Variants in NEB observed in about 807,000 individuals in gnomAD.
NEB encodes the protein nemaline myopathy type 2.
Under a neutral mutation model 952.2 loss-of-function variants are expected in NEB, and 512 were observed. That is an observed-to-expected ratio of 0.54 (90% confidence interval 0.50 to 0.58). NEB has a LOEUF of 0.58. Among genes scored for constraint, NEB ranks in the 20% least tolerant of loss-of-function variants. The probability of loss-of-function intolerance (pLI) is 0.00; values close to 1 mark genes in which losing one functional copy is unlikely to be tolerated. For missense variants in NEB, 8,428 were observed against 9,231.1 expected, an observed-to-expected ratio of 0.91 and a Z score of 3.56; for synonymous variants, 2,900 against 3,149.8, an observed-to-expected ratio of 0.92 and a Z score of 2.66.
chr2:151,515,743 T>A (rs1421302438), intron 157 of NEB, among the ~76,000 whole-genome samples: 1 of 152,236 alleles, frequency 6.6e-6, no homozygotes, highest in Non-Finnish European at 1.5e-5. Context: ...AAGAAACTCC[T>A]ATAGATCCTT....
chr2:151,697,965 C>T (rs921846998), intron 13 of NEB, among the ~76,000 whole-genome samples: 1 of 152,186 alleles, frequency 6.6e-6, no homozygotes, highest in Non-Finnish European at 1.5e-5. Flanking sequence ...ACTTGGGAGG[C>T]TGAGGCAGGA....
At chr2:151,677,482 GA>G (rs1392716581) in intron 34 of NEB, 82 bp downstream of exon 34, 34 of 1,064,298 alleles carry the variant, frequency 3.2e-5, no homozygotes, top group Middle Eastern at 2.5e-4. Context: ...TATTGGCCCA[GA>G]AAAAAAATAT....
chr2:151,522,806 C>T (rs1426530322), intron 153 of NEB, among the ~76,000 whole-genome samples: 2 of 152,154 alleles, frequency 1.3e-5, no homozygotes, highest in African/African-American at 4.8e-5. Context: ...CAGCGCCGTG[C>T]CCTCTCCTTT....
intron 160 of NEB, among the ~76,000 whole-genome samples, 180 bp downstream of exon 160, chr2:151,513,400 A>G (rs1446963434): frequency 1.3e-5 from 2 of 152,160 alleles, no homozygotes; most frequent in Non-Finnish European, 2.9e-5. Context: ...GGTAGACAGC[A>G]ATGAGCCTGG....
In NEB at chr2:151,724,406, C is replaced by A. The variant is rs368614143; in HGVS notation, c.508-42G>T. On this transcript the variant is annotated intron_variant, in intron 7 of 181. Transcript: ENST00000397345. ...GAGGATCTGTGGCTTGAGGTCTCAC[C>A]CAAAGGCATGAGGATTTAAACAACA... 7 of 1,448,356 alleles carry A rather than the reference C, an allele frequency of 4.8e-6. No homozygotes were observed. In the African/African-American group the frequency reaches 8.4e-5, roughly 17 times the overall value. 89.7% of individuals were successfully genotyped at this position (1,448,356 alleles called of 1,614,324 possible). A position where few individuals can be genotyped will look rare whatever the true frequency, so the allele number is the denominator to read the frequency against.
chr2:151,725,678 C>T, intron 5 of NEB, 118 bp from the exon 6 acceptor site: 1 of 767,930 alleles, frequency 1.3e-6, no homozygotes, highest in South Asian at 1.9e-5. Flanking sequence ...ATTATAATAG[C>T]TTTCTTTTTG....
chr2:151,658,182 T>G (rs1252254061), intron 47 of NEB, 92 bp from the exon 48 acceptor site: 1 of 930,550 alleles, frequency 1.1e-6, no homozygotes, highest in East Asian at 2.7e-5. Context: ...GCGTCTTTTT[T>G]TTTGTTTTTG....
At position 151,520,045 on chromosome 2, in the gene NEB, A is replaced by C. The variant is rs900667694; in HGVS notation, c.22480-277T>G. The C allele has an allele frequency of 3.3e-3, 760 of 230,582 alleles. 12 individuals carry two copies. Among genetic ancestry groups the C allele is most frequent in the Non-Finnish European group, 3.6e-3 (429 of 118,872 alleles). 14.3% of individuals were successfully genotyped at this position (230,582 alleles called of 1,614,324 possible). A position where few individuals can be genotyped will look rare whatever the true frequency, so the allele number is the denominator to read the frequency against. ...ACCTCTTTCTAATGCAAAACAAAAA[A>C]AAAAAAAAATGGAAAAGGCTTCAGG... On this transcript the variant is annotated intron_variant, in intron 153 of 181. Coordinates refer to ENST00000397345, the MANE Select transcript of NEB (RefSeq NM_001164508.2).
chr2:151,725,678 C>A, intron 5 of NEB, 118 bp from the exon 6 acceptor site: 1 of 767,930 alleles, frequency 1.3e-6, no homozygotes, highest in Non-Finnish European at 2.1e-6. Context: ...ATTATAATAG[C>A]TTTCTTTTTG....
In NEB at chr2:151,672,501, G is replaced by C. The variant is rs772315688; in HGVS notation, c.4167C>G (p.Ser1389Arg). The C allele has an allele frequency of 3.7e-6, 6 of 1,614,000 alleles. No homozygotes were observed. The highest frequency in any genetic ancestry group is 5.1e-6 in the Non-Finnish European group (6 of 1,179,890). Residue 1389 changes from serine (S) to arginine (R), a missense_variant, in exon 37 of 182, where the codon AGC (serine) becomes AGG (arginine). Ser to Arg is a moderately radical substitution (Grantham distance 110). Transcript: ENST00000397345. ...CCTGGGCCATCTTTGCAGCTGTGAT[G>C]CTAACCATGTCCCCAGGGGTATGGT... ...TSYHTPGDMV[S>R]ITAAKMAQDV...
chr2:151,702,173 G>C (rs1363910759), intron 13 of NEB, among the ~76,000 whole-genome samples: 4 of 148,676 alleles, frequency 2.7e-5, no homozygotes, highest in African/African-American at 9.9e-5. Context: ...TAGTTGAGCG[G>C]TTTTGAGTGA....
intron 169 of NEB, 83 bp downstream of exon 169, chr2:151,499,215 G>GTTGA: frequency 2.8e-6 from 2 of 720,344 alleles, no homozygotes; most frequent in Non-Finnish European, 4.5e-6. Context: ...ATTGGGATGA[G>GTTGA]TTGATTAGAT....
chr2:151,573,307 TATA>T (rs2096711570), intron 107 of NEB, among the ~76,000 whole-genome samples: 1 of 152,232 alleles, frequency 6.6e-6, no homozygotes, highest in Non-Finnish European at 1.5e-5. Context: ...GTCTTGTTCA[TATA>T]ATATCAATGG....
intron 10 of NEB, among the ~76,000 whole-genome samples, chr2:151,713,936 G>C (rs1461091078): frequency 6.6e-6 from 1 of 152,162 alleles, no homozygotes; most frequent in Non-Finnish European, 1.5e-5. Flanking sequence ...ACTGGGAGCT[G>C]TAAGAAAAGG....
Position 151,497,702 on chromosome 2 carries a change from T to C in NEB, c.24224A>G (p.Asn8075Ser). ...ENLSSVLYKE[N>S]MGKGTPLPVT... is the part of the protein sequence containing the mutation. ...AGGTAAAGGGGTTCCCTTGCCCATGTTTTCTTTGTATAACACCTGTGCGAT... is the reference window on the plus strand; with the variant it reads ...AGGTAAAGGGGTTCCCTTGCCCATGCTTTCTTTGTATAACACCTGTGCGAT... Residue 8075 changes from asparagine (N) to serine (S), a missense_variant, in exon 171 of 182, where the codon AAC (asparagine) becomes AGC (serine). Around this residue, in one of 11 missense-constraint regions of NEB, gnomAD observed 3,374 missense variants for 3,651.5 expected, o/e 0.92. Transcript: ENST00000397345. The C allele has an allele frequency of 6.3e-7, 1 of 1,579,094 alleles. No individual in the cohort carries two copies. Among genetic ancestry groups the C allele is most frequent in the Non-Finnish European group, 8.6e-7 (1 of 1,160,056 alleles).
In NEB at chr2:151,702,384, G is replaced by A. The variant is rs138123589; in HGVS notation, c.1152+4497C>T. 7.1e-3 allele frequency among the ~76,000 whole-genome samples: 1,085 copies of A among 152,254 alleles called. 21 individuals carry two copies. Among genetic ancestry groups the A allele is most frequent in the East Asian group, 0.062 (323 of 5,182 alleles). Reference sequence around the variant, plus strand: ...AGCTCTGTAGATGTCAATTAGGTCCGCTTGGTGCAGAGCTGAGTTCAATTC... The same window carrying A: ...AGCTCTGTAGATGTCAATTAGGTCCACTTGGTGCAGAGCTGAGTTCAATTC... On this transcript the variant is annotated intron_variant, in intron 13 of 181. Transcript: ENST00000397345.
intron 24 of NEB, chr2:151,689,842 G>A (rs1168600978): frequency 1.3e-5 from 2 of 152,148 alleles, no homozygotes; most frequent in African/African-American, 4.8e-5. Context: ...AGTGGCACAC[G>A]AGCTGAAATG....
intron 105 of NEB, among the ~76,000 whole-genome samples, chr2:151,577,482 A>G (rs945510377): frequency 6.6e-6 from 1 of 152,156 alleles, no homozygotes; most frequent in Admixed American, 6.5e-5. Flanking sequence ...ATCTCTCTTC[A>G]TAGCACCATG....
intron 153 of NEB, among the ~76,000 whole-genome samples, chr2:151,521,288 AAAAAT>A (rs1365574109): frequency 6.6e-6 from 1 of 152,238 alleles, no homozygotes; most frequent in Non-Finnish European, 1.5e-5. Flanking sequence ...AATGCAGAGA[AAAAAT>A]AAGCATGCAG....
Sources: allele counts gnomAD v4.1 joint callset (sites outside exome capture counted in the v4.1 genomes callset), GRCh38; gene constraint gnomAD v4.1.1; regional missense constraint gnomAD v4.1.1; transcripts MANE v1.5; gene names NCBI Gene and HGNC (gene_info 2026-07-23, HGNC 2026-07-21).